Variants in SRPK2 observed in about 807,000 individuals in gnomAD.
SRPK2 encodes the protein SRSF protein kinase 2.
A neutral mutation model predicts 90.8 loss-of-function variants in SRPK2; 21 were observed. That is an observed-to-expected ratio of 0.23 (90% CI 0.16 to 0.33). The LOEUF (loss-of-function observed/expected upper bound fraction) is 0.33. Among genes scored for constraint, SRPK2 ranks in the 10% least tolerant of loss-of-function variants. The pLI is 1.00. For missense variants in SRPK2, 620 were observed against 869.0 expected, an observed-to-expected ratio of 0.71 and a Z score of 3.60; for synonymous variants, 288 against 311.1, an observed-to-expected ratio of 0.93 and a Z score of 0.78.
intron 2 of SRPK2, among the ~76,000 whole-genome samples, chr7:105,364,987 C>T (rs1180057557): frequency 6.6e-6 from 1 of 152,152 alleles, no homozygotes; most frequent in Non-Finnish European, 1.5e-5. Flanking sequence ...TCTCTTATCC[C>T]TTCAAGGTTC....
At position 105,324,010 on chromosome 7, in the gene SRPK2, T is replaced by TGTGTGTGTGGGTGG. The variant is rs950960322; in HGVS notation, c.71+64637_71+64638insCCACCCACACACAC. On this transcript the variant is annotated intron_variant, in intron 2 of 15. Transcript: ENST00000393651. ...GTGTGTGTGTGTGTGTGTGTGTGTG[T>TGTGTGTGTGGGTGG]GTGTGTGGTGGAGTCTCACATTGTC... Among the ~76,000 whole-genome samples the TGTGTGTGTGGGTGG allele has an allele frequency of 5.9e-4, 88 of 148,968 alleles. No individual in the cohort carries two copies. In the East Asian group the frequency reaches 0.013, roughly 22 times the overall value.
intron 2 of SRPK2, among the ~76,000 whole-genome samples, chr7:105,278,757 AGAAGGCG>A (rs1806867783): frequency 6.6e-6 from 1 of 151,764 alleles, no homozygotes; most frequent in African/African-American, 2.4e-5. Context: ...AGGGGAAGGC[AGAAGGCG>A]GAAGGGGAAA....
chr7:105,357,632 T>C (rs1445818566), intron 2 of SRPK2, among the ~76,000 whole-genome samples: 1 of 151,932 alleles, frequency 6.6e-6, no homozygotes, highest in Non-Finnish European at 1.5e-5. Context: ...TTACCCCAGC[T>C]ACTCGGGAGG....
At chr7:105,267,242 A>T (rs1015195926) in intron 2 of SRPK2, among the ~76,000 whole-genome samples, 3 of 152,162 alleles carry the variant, frequency 2.0e-5, no homozygotes, top group African/African-American at 7.2e-5. Context: ...ATCCACTCCT[A>T]ATTTGTTTCT....
chr7:105,262,036 G>C (rs112285447), intron 2 of SRPK2, among the ~76,000 whole-genome samples: 2 of 152,082 alleles, frequency 1.3e-5, no homozygotes, highest in African/African-American at 4.8e-5. Flanking sequence ...CAAGCACAAG[G>C]GGAAGACAGC....
Position 105,388,743 on chromosome 7 carries a change from C to T in SRPK2, c.17-41G>A, listed in dbSNP as rs372921365. 1.9e-5 allele frequency: 29 copies of T among 1,553,480 alleles called. No homozygotes were observed. The African/African-American group carries it at 3.7e-4, about 20-fold the overall frequency. ...CACACATTAACGGTCGGGCCGCCCG[C>T]CCGGGCTGGCCGCGTGGCGGGGAGA... is the stretch of plus-strand genomic sequence containing the variant. On this transcript the variant is annotated intron_variant, in intron 1 of 15. Transcript: ENST00000393651.
At chr7:105,361,738 T>G (rs543722557) in intron 2 of SRPK2, among the ~76,000 whole-genome samples, 3 of 152,274 alleles carry the variant, frequency 2.0e-5, no homozygotes, top group African/African-American at 7.2e-5. Context: ...CATTCCCCAT[T>G]TAATAAATGG....
chr7:105,324,172 A>T (rs543661199), intron 2 of SRPK2, among the ~76,000 whole-genome samples: 14 of 150,754 alleles, frequency 9.3e-5, no homozygotes, highest in African/African-American at 1.9e-4. Flanking sequence ...AATTATATAT[A>T]TTTTTTTTGT....
chr7:105,163,612 T>A (rs538285797), intron 6 of SRPK2, among the ~76,000 whole-genome samples: 1 of 151,982 alleles, frequency 6.6e-6, no homozygotes, highest in Non-Finnish European at 1.5e-5. Context: ...CTGACCCACA[T>A]GGAGAAATCC....
intron 2 of SRPK2, among the ~76,000 whole-genome samples, chr7:105,336,855 T>C (rs1022702437): frequency 6.6e-6 from 1 of 152,138 alleles, no homozygotes; most frequent in African/African-American, 2.4e-5. Flanking sequence ...CAGGCTGGAG[T>C]GCAATGGTGC....
intron 2 of SRPK2, among the ~76,000 whole-genome samples, chr7:105,277,197 C>G (rs1227257837): frequency 1.3e-5 from 2 of 152,134 alleles, no homozygotes; most frequent in Admixed American, 1.3e-4. Context: ...CTGTCTCAGC[C>G]TCCCGAGTAG....
chr7:105,374,809 A>G (rs1820103805), intron 2 of SRPK2, among the ~76,000 whole-genome samples: 1 of 152,116 alleles, frequency 6.6e-6, no homozygotes, highest in Admixed American at 6.6e-5. Context: ...GGGTTGCACC[A>G]TATTGGCTAG....
chr7:105,159,155 C>G (rs774970038), intron 7 of SRPK2, among the ~76,000 whole-genome samples: 1 of 151,980 alleles, frequency 6.6e-6, no homozygotes, highest in Non-Finnish European at 1.5e-5. Context: ...CCCCTCTTCT[C>G]AAGTAACATC....
intron 2 of SRPK2, among the ~76,000 whole-genome samples, chr7:105,294,352 A>G (rs539452145): frequency 1.7e-4 from 26 of 152,300 alleles, no homozygotes; most frequent in African/African-American, 5.5e-4. Context: ...TATGAATCCA[A>G]TAAAATTTTG....
At chr7:105,133,127 C>A in intron 11 of SRPK2, 23 bp from the exon 12 acceptor site, 1 of 1,610,976 alleles carries the variant, frequency 6.2e-7, no homozygotes. Flanking sequence ...AACAGCAGGA[C>A]AGTTAGTGAT....
intron 2 of SRPK2, among the ~76,000 whole-genome samples, chr7:105,325,318 G>T (rs1177518752): frequency 2.0e-5 from 3 of 152,018 alleles, no homozygotes; most frequent in African/African-American, 7.2e-5. Flanking sequence ...TGTCACAAGC[G>T]ATTATTACAT....
chr7:105,305,180 C>T (rs1811006423), intron 2 of SRPK2, among the ~76,000 whole-genome samples: 1 of 152,170 alleles, frequency 6.6e-6, no homozygotes, highest in African/African-American at 2.4e-5. Flanking sequence ...TGGCTCATGC[C>T]TGTAATCCCA....
chr7:105,380,616 C>A (rs1409526679), intron 2 of SRPK2, among the ~76,000 whole-genome samples: 1 of 150,762 alleles, frequency 6.6e-6, no homozygotes, highest in Non-Finnish European at 1.5e-5. Context: ...CTCTGCCTCC[C>A]GGGTTCAAGC....
chr7:105,323,199 A>G (rs1025778371), intron 2 of SRPK2, among the ~76,000 whole-genome samples: 2 of 152,220 alleles, frequency 1.3e-5, no homozygotes, highest in Non-Finnish European at 2.9e-5. Context: ...AAAAAGAAAA[A>G]AAAAGTCCTA....
Sources: allele counts gnomAD v4.1 joint callset (sites outside exome capture counted in the v4.1 genomes callset), GRCh38; gene constraint gnomAD v4.1.1; transcripts MANE v1.5; gene names NCBI Gene and HGNC (gene_info 2026-07-23, HGNC 2026-07-21).